LRRD1: variants seen among roughly 807,000 people sequenced by gnomAD.
The protein encoded by LRRD1 is leucine rich repeats and death domain containing 1, also known as leucine-rich repeat and death domain-containing protein 1.
LRRD1 carries 49 observed loss-of-function variants against 69.5 expected under a neutral mutation model. The ratio of observed to expected loss-of-function variants is 0.70; its 90% CI spans 0.56 to 0.89. The LOEUF is 0.89. Ranked by LOEUF, LRRD1 falls within the 40% of genes least tolerant of loss-of-function variation. The probability of loss-of-function intolerance (pLI) is 0.00; values close to 1 mark genes in which losing one functional copy is unlikely to be tolerated. For missense variants in LRRD1, 853 were observed against 956.0 expected (o/e 0.89, Z 1.42); for synonymous variants, 303 against 338.9 (o/e 0.89, Z 1.16).
In LRRD1 at chr7:92,163,938, T is replaced by G; in HGVS notation, c.1265A>C (p.Lys422Thr). 6.5e-7 allele frequency: 1 copy of G among 1,537,946 alleles called. No individual in the cohort carries two copies. The highest frequency in any genetic ancestry group is 8.8e-7 in the Non-Finnish European group (1 of 1,142,032). ...KYIHKLNNLR[K>T]LHVNRNNMVK... ...CATATTATTTCTGTTTACATGGAGT[T>G]TTCTTAAATTGTTAAGCTTATGGAT... The change falls in exon 2 of 6, where the codon AAA becomes ACA. Residue 422 changes from lysine (K) to threonine (T), a missense_variant. Around this residue, in one of 3 missense-constraint regions of LRRD1, gnomAD observed 739 missense variants for 808.0 expected, o/e 0.91. Transcript: ENST00000458448.
chr7:92,144,485 G>T (rs1406013373), downstream of LRRD1, among the ~76,000 whole-genome samples: 1 of 151,838 alleles, frequency 6.6e-6, no homozygotes, highest in Non-Finnish European at 1.5e-5. Flanking sequence ...AAATTATCCC[G>T]GCGTGGTGGT....
At chr7:92,170,110 GAGGA>G (rs912476908) in intron 1 of LRRD1, among the ~76,000 whole-genome samples, 22 of 149,298 alleles carry the variant, frequency 1.5e-4, no homozygotes, top group East Asian at 3.9e-4. Flanking sequence ...GAGAGAGAGA[GAGGA>G]AGGAAGGAAG....
chr7:92,152,832 G>C (rs1050165925), intron 3 of LRRD1, among the ~76,000 whole-genome samples: 4 of 151,932 alleles, frequency 2.6e-5, no homozygotes, highest in African/African-American at 9.7e-5. Flanking sequence ...CACCACACCA[G>C]CTGATTTTTG....
At chr7:92,175,758 A>G (rs1020895206) in intron 1 of LRRD1, among the ~76,000 whole-genome samples, 2 of 152,230 alleles carry the variant, frequency 1.3e-5, no homozygotes, top group African/African-American at 2.4e-5. Flanking sequence ...GCTTTTCACA[A>G]TTAGGTTTTT....
At chr7:92,167,311 G>A (rs1333100706) in intron 1 of LRRD1, among the ~76,000 whole-genome samples, 2 of 151,746 alleles carry the variant, frequency 1.3e-5, no homozygotes, top group Admixed American at 1.3e-4. Flanking sequence ...GGCCAGGATG[G>A]TCTCGATCTC....
intron 1 of LRRD1, among the ~76,000 whole-genome samples, chr7:92,165,861 CAAAAAAAAAAAA>C (rs750215030): frequency 2.4e-5 from 1 of 41,712 alleles, no homozygotes; most frequent in African/African-American, 9.0e-5. Context: ...AACTCCATCT[CAAAAAAAAAAAA>C]AAAAAAAAAA....
chr7:92,178,867 T>C (rs943637324), intron 1 of LRRD1, 140 bp downstream of exon 1: 1 of 152,222 alleles, frequency 6.6e-6, no homozygotes, highest in Non-Finnish European at 1.5e-5. Flanking sequence ...CAAATTGTTT[T>C]CTAAATGTGG....
intron 3 of LRRD1, among the ~76,000 whole-genome samples, chr7:92,156,963 G>C (rs1171042691): frequency 1.4e-5 from 2 of 145,826 alleles, no homozygotes; most frequent in Non-Finnish European, 3.0e-5. Context: ...CTTGCTGAGA[G>C]TTTTTTTGTT....
chr7:92,160,905 T>G (rs948020133), intron 2 of LRRD1, among the ~76,000 whole-genome samples: 1 of 152,072 alleles, frequency 6.6e-6, no homozygotes, highest in African/African-American at 2.4e-5. Context: ...CAATGGCCAG[T>G]GAGAAGCTGA....
intron 3 of LRRD1, among the ~76,000 whole-genome samples, chr7:92,151,380 T>C (rs1179007068): frequency 2.0e-5 from 3 of 152,216 alleles, no homozygotes; most frequent in Non-Finnish European, 4.4e-5. Flanking sequence ...GGGTTATGGG[T>C]TTTTGGAAAG....
chr7:92,170,163 G>A (rs745419009), intron 1 of LRRD1, among the ~76,000 whole-genome samples: 6 of 148,818 alleles, frequency 4.0e-5, no homozygotes, highest in African/African-American at 9.9e-5. Flanking sequence ...GAAGGAAGGA[G>A]GGAAGGAAGG....
At chr7:92,142,016 C>T (rs1820161404), downstream of LRRD1, 1 of 159,108 alleles carries the variant, frequency 6.3e-6, no homozygotes, top group African/African-American at 2.4e-5. Flanking sequence ...CACCTTAGCT[C>T]ACTGCAAGCT....
intron 2 of LRRD1, 35 bp downstream of exon 2, chr7:92,163,251 C>T: frequency 1.5e-6 from 2 of 1,308,576 alleles, no homozygotes; most frequent in Non-Finnish European, 2.0e-6. Context: ...TCCAGTCTCT[C>T]CTTCCCCACA....
intron 1 of LRRD1, among the ~76,000 whole-genome samples, chr7:92,170,601 G>A (rs776556142): frequency 8.5e-5 from 13 of 152,056 alleles, no homozygotes; most frequent in Admixed American, 1.3e-4. Context: ...ATAATAGTAG[G>A]GAATTTCAAC....
chr7:92,151,409 T>G (rs1345252692), intron 3 of LRRD1, among the ~76,000 whole-genome samples: 6 of 152,242 alleles, frequency 3.9e-5, no homozygotes, highest in Non-Finnish European at 5.9e-5. Context: ...AGAGGTGAAG[T>G]GCACTTATCA....
chr7:92,167,570 G>T (rs1353141016), intron 1 of LRRD1, among the ~76,000 whole-genome samples: 1 of 151,410 alleles, frequency 6.6e-6, no homozygotes, highest in Non-Finnish European at 1.5e-5. Flanking sequence ...TTTTTCATCT[G>T]GGGTAGTTAA....
intron 1 of LRRD1, among the ~76,000 whole-genome samples, chr7:92,170,929 A>T (rs899426008): frequency 2.0e-5 from 3 of 152,258 alleles, no homozygotes; most frequent in Non-Finnish European, 4.4e-5. Flanking sequence ...TGGAAATTAA[A>T]CAACATGCTC....
chr7:92,172,523 G>T, intron 1 of LRRD1, among the ~76,000 whole-genome samples: 1 of 151,602 alleles, frequency 6.6e-6, no homozygotes, highest in African/African-American at 2.4e-5. Flanking sequence ...ACAAAAATCA[G>T]TAGCATTTAT....
At chr7:92,155,790 G>A (rs1415608490) in intron 3 of LRRD1, among the ~76,000 whole-genome samples, 3 of 152,204 alleles carry the variant, frequency 2.0e-5, no homozygotes, top group African/African-American at 7.2e-5. Context: ...AAAGGCCCTA[G>A]AGCCCCTGGC....
Sources: allele counts gnomAD v4.1 joint callset (sites outside exome capture counted in the v4.1 genomes callset), GRCh38; gene constraint gnomAD v4.1.1; regional missense constraint gnomAD v4.1.1; transcripts MANE v1.5; gene names NCBI Gene and HGNC (gene_info 2026-07-23, HGNC 2026-07-21).